TLL2: variants seen among roughly 807,000 people sequenced by gnomAD.
TLL2 encodes tolloid-like protein 2.
In TLL2, 106 loss-of-function variants were observed where a neutral mutation model predicts 123.0. The ratio of observed to expected loss-of-function variants is 0.86; its 90% CI spans 0.74 to 1.01. TLL2 has a LOEUF of 1.01. Ranked by LOEUF, TLL2 falls within the 50% of genes least tolerant of loss-of-function variation. TLL2 has a pLI of 0.00. For missense variants in TLL2, 1,332 were observed against 1,336.7 expected (o/e 1.00, Z 0.06); for synonymous variants, 494 against 516.8 (o/e 0.96, Z 0.60).
At chr10:96,421,162 C>T (rs941424723) in intron 6 of TLL2, 101 bp from the exon 7 acceptor site, 1 of 810,358 alleles carries the variant, frequency 1.2e-6, no homozygotes, top group African/African-American at 1.7e-5. Context: ...TCCCAGGGCT[C>T]TCTTGGCCCA....
At chr10:96,472,982 T>G (rs1464773438) in intron 2 of TLL2, among the ~76,000 whole-genome samples, 1 of 152,094 alleles carries the variant, frequency 6.6e-6, no homozygotes, top group Admixed American at 6.6e-5. Context: ...TTCTTTAGCC[T>G]GAAACACCAG....
At chr10:96,421,663 C>CAA (rs35084852) in intron 6 of TLL2, among the ~76,000 whole-genome samples, 1 of 119,900 alleles carries the variant, frequency 8.3e-6, no homozygotes. Flanking sequence ...GACTCTGTCT[C>CAA]AAAAAAAAAA....
intron 2 of TLL2, among the ~76,000 whole-genome samples, chr10:96,464,986 T>C (rs1375642066): frequency 6.6e-6 from 1 of 152,326 alleles, no homozygotes; most frequent in South Asian, 2.1e-4. Context: ...ATAGATCCAA[T>C]GAAGATTTAC....
intron 6 of TLL2, 35 bp from the exon 7 acceptor site, chr10:96,421,096 C>T: frequency 6.4e-6 from 10 of 1,556,654 alleles, no homozygotes; most frequent in Non-Finnish European, 8.0e-6. Context: ...CCTTTGAAAA[C>T]CAAGTCAGGC....
At position 96,366,536 on chromosome 10, in the gene TLL2, G is replaced by T. The variant is rs1042139527; in HGVS notation, c.*1552C>A. 5 of 152,364 alleles carry T rather than the reference G, an allele frequency of 3.3e-5. No individual in the cohort carries two copies. Among genetic ancestry groups the T allele is most frequent in the Admixed American group, 6.6e-5 (1 of 15,266 alleles). 9.4% of individuals were successfully genotyped at this position (152,364 alleles called of 1,614,324 possible). On this transcript the variant is annotated 3_prime_UTR_variant, in exon 21 of 21. Transcript: ENST00000357947. ...CCATGCATTTCTCTGACCTTTCTTT[G>T]TATCATTCTAGTTTTTGCTCCCAGC... is the stretch of plus-strand genomic sequence containing the variant.
chr10:96,488,037 C>A (rs1193760938), intron 1 of TLL2, among the ~76,000 whole-genome samples: 1 of 152,220 alleles, frequency 6.6e-6, no homozygotes, highest in African/African-American at 2.4e-5. Context: ...CCTCTCTAAG[C>A]CTCAGTTTCT....
At chr10:96,451,951 T>C (rs574712453) in intron 2 of TLL2, among the ~76,000 whole-genome samples, 12 of 152,220 alleles carry the variant, frequency 7.9e-5, no homozygotes, top group Non-Finnish European at 1.8e-4. Context: ...GCTAAATCTA[T>C]CATAAAACTG....
At chr10:96,384,564 G>T in intron 16 of TLL2, 23 bp downstream of exon 16, 1 of 1,553,908 alleles carries the variant, frequency 6.4e-7, no homozygotes, top group Non-Finnish European at 8.7e-7. Flanking sequence ...CGCTGCATCA[G>T]CCTCACCTCT....
intron 6 of TLL2, among the ~76,000 whole-genome samples, chr10:96,421,382 G>T (rs981744051): frequency 4.9e-4 from 74 of 152,290 alleles, no homozygotes; most frequent in African/African-American, 1.7e-3. Flanking sequence ...AAAAACTCTG[G>T]GCCAGGTGCC....
chr10:96,387,184 G>A, intron 13 of TLL2, 106 bp from the exon 14 acceptor site: 1 of 1,503,162 alleles, frequency 6.7e-7, no homozygotes, highest in Non-Finnish European at 9.0e-7. Context: ...CTAATAAACA[G>A]GAGCCACTCC....
chr10:96,486,079 A>C (rs1847353290), intron 1 of TLL2, among the ~76,000 whole-genome samples: 1 of 152,228 alleles, frequency 6.6e-6, no homozygotes, highest in South Asian at 2.1e-4. Flanking sequence ...CATGTTCCTG[A>C]ATCATTTTGA....
chr10:96,404,018 ACCTTCT>A (rs2094597012), intron 10 of TLL2, among the ~76,000 whole-genome samples: 1 of 151,892 alleles, frequency 6.6e-6, no homozygotes, highest in South Asian at 2.1e-4. Context: ...TTTGTTGCTG[ACCTTCT>A]CCTTATTATC....
chr10:96,379,318 A>G (rs1429607189), intron 16 of TLL2, among the ~76,000 whole-genome samples: 1 of 152,142 alleles, frequency 6.6e-6, no homozygotes, highest in East Asian at 1.9e-4. Context: ...CAAGTACTTT[A>G]TGTATGTTCT....
chr10:96,404,002 C>G (rs371337700), intron 10 of TLL2, among the ~76,000 whole-genome samples: 2 of 151,968 alleles, frequency 1.3e-5, no homozygotes, highest in Non-Finnish European at 2.9e-5. Flanking sequence ...TTCTTTTGCT[C>G]ACATGTTTGT....
At chr10:96,476,875 C>CAG (rs1554939731) in intron 2 of TLL2, among the ~76,000 whole-genome samples, 3 of 144,432 alleles carry the variant, frequency 2.1e-5, no homozygotes, top group Admixed American at 6.9e-5. Context: ...CACACACACA[C>CAG]ACACACACAC....
intron 2 of TLL2, among the ~76,000 whole-genome samples, chr10:96,447,670 C>T (rs979705415): frequency 2.6e-5 from 4 of 152,126 alleles, no homozygotes; most frequent in Admixed American, 1.3e-4. Context: ...ATTACACACA[C>T]GAAACCACAT....
At chr10:96,428,787 T>C in intron 4 of TLL2, 39 bp from the exon 5 acceptor site, 4 of 1,333,308 alleles carry the variant, frequency 3.0e-6, no homozygotes, top group Admixed American at 2.1e-5. Context: ...CAATGATGGG[T>C]CCATATTTTC....
At chr10:96,427,748 T>C (rs959006677) in intron 5 of TLL2, among the ~76,000 whole-genome samples, 4 of 152,200 alleles carry the variant, frequency 2.6e-5, no homozygotes, top group African/African-American at 7.2e-5. Context: ...AATCATCTTA[T>C]GTATAGACCA....
intron 16 of TLL2, among the ~76,000 whole-genome samples, chr10:96,380,321 C>G (rs1846174528): frequency 6.6e-6 from 1 of 152,090 alleles, no homozygotes; most frequent in African/African-American, 2.4e-5. Flanking sequence ...GCCCTGTCTT[C>G]CTCCCCTCTC....
Sources: allele counts gnomAD v4.1 joint callset (sites outside exome capture counted in the v4.1 genomes callset), GRCh38; gene constraint gnomAD v4.1.1; transcripts MANE v1.5; gene names NCBI Gene and HGNC (gene_info 2026-07-23, HGNC 2026-07-21).